The following KAZN variants were observed in gnomAD, a reference collection of about 807,000 sequenced individuals.
The protein encoded by KAZN is kazrin.
A neutral mutation model predicts 87.4 loss-of-function variants in KAZN; 40 were observed. The ratio of observed to expected loss-of-function variants is 0.46; its 90% CI spans 0.36 to 0.60. The LOEUF (loss-of-function observed/expected upper bound fraction) is 0.60. Among genes scored for constraint, KAZN ranks in the 20% least tolerant of loss-of-function variants. The pLI, the probability that KAZN is intolerant of heterozygous loss-of-function variation, is 0.00. For missense variants in KAZN, 898 were observed against 1,073.9 expected (o/e 0.84, Z 2.29); for synonymous variants, 466 against 458.3 (o/e 1.02, Z -0.22).
Position 15,081,724 on chromosome 1 carries a change from G to A in KAZN, c.1223-12456G>A, listed in dbSNP as rs1476875826. ...AGTGACAGGCCGCTGTTCAGGCCAA[G>A]GGAACGGCAGGTGCAGGGATTGGAG... On this transcript the variant is annotated intron_variant, in intron 8 of 14. Transcript: ENST00000376030. This position sits in a 1 kb window ranked among gnomAD's most constrained non-coding sequence, Gnocchi z 4.1. Among the ~76,000 whole-genome samples, 1 of 152,184 alleles carries A rather than the reference G, an allele frequency of 6.6e-6. No individual in the cohort carries two copies. Among genetic ancestry groups the A allele is most frequent in the Non-Finnish European group, 1.5e-5 (1 of 68,032 alleles).
At chr1:14,761,527 G>C (rs1480364502) in intron 1 of KAZN, among the ~76,000 whole-genome samples, 1 of 152,166 alleles carries the variant, frequency 6.6e-6, no homozygotes, top group Non-Finnish European at 1.5e-5. Flanking sequence ...TGATTAAATG[G>C]TCTCTGGGGA....
chr1:14,541,755 T>G (rs1672827161), intron 2 of KAZN, among the ~76,000 whole-genome samples: 1 of 152,226 alleles, frequency 6.6e-6, no homozygotes, highest in African/African-American at 2.4e-5. Context: ...TTCTAATCTC[T>G]CTTCATCCTC....
Position 15,066,031 on chromosome 1 carries a change from A to G in KAZN, c.1222+278A>G. Reference sequence around the variant, plus strand: ...TGTACATACCGCAAACCGTGTGTGAACCTGTCAACTCTCTGTCGTCTTTGG... The same window carrying G: ...TGTACATACCGCAAACCGTGTGTGAGCCTGTCAACTCTCTGTCGTCTTTGG... On this transcript the variant is annotated intron_variant, in intron 8 of 14. Transcript: ENST00000376030. The surrounding 1 kb of genome is among the most constrained non-coding windows in gnomAD (Gnocchi z 4.3). 8.0e-7 allele frequency: 1 copy of G among 1,247,186 alleles called. No homozygotes were observed. The highest frequency in any genetic ancestry group is 1.0e-6 in the Non-Finnish European group (1 of 996,126). 77.3% of individuals were successfully genotyped at this position (1,247,186 alleles called of 1,614,324 possible).
intron 1 of KAZN, among the ~76,000 whole-genome samples, chr1:14,928,065 C>T (rs1659361640): frequency 6.6e-6 from 1 of 152,088 alleles, no homozygotes; most frequent in Non-Finnish European, 1.5e-5. Flanking sequence ...CTGCCCAAAG[C>T]CACACAGCCA....
chr1:14,064,801 C>T (rs985994845), intron 1 of KAZN, among the ~76,000 whole-genome samples: 3 of 152,206 alleles, frequency 2.0e-5, no homozygotes, highest in Non-Finnish European at 2.9e-5. Flanking sequence ...CCCCGCTGCT[C>T]GGTGGTGGAG....
chr1:14,921,182 A>ACACACACATT (rs1350044428), intron 1 of KAZN, among the ~76,000 whole-genome samples: 1 of 151,744 alleles, frequency 6.6e-6, no homozygotes, highest in Non-Finnish European at 1.5e-5. Context: ...ACACACACAC[A>ACACACACATT]CACACATTCA....
intron 2 of KAZN, among the ~76,000 whole-genome samples, chr1:14,345,217 C>T (rs1418326452): frequency 2.0e-5 from 3 of 152,254 alleles, no homozygotes; most frequent in East Asian, 1.9e-4. Flanking sequence ...CACGCCAGGC[C>T]CATCCCCTCT....
intron 1 of KAZN, among the ~76,000 whole-genome samples, chr1:14,812,129 TC>T (rs1452199463): frequency 6.6e-6 from 1 of 151,930 alleles, no homozygotes; most frequent in Non-Finnish European, 1.5e-5. Context: ...GTTCAGCACC[TC>T]CTCAGAATAT....
In KAZN at chr1:14,696,763, C is replaced by G. The variant is rs538867795; in HGVS notation, c.226+97540C>G. ...GAGAGCTTGCATCTCTAACAAGCTC[C>G]CAGCGAGGCTGATCCTGTTGCTCCA... On this transcript the variant is annotated intron_variant, in intron 1 of 14. Coordinates refer to ENST00000376030, the MANE Select transcript of KAZN (RefSeq NM_201628.3). Among the ~76,000 whole-genome samples, 3 of 152,204 alleles carry G rather than the reference C, an allele frequency of 2.0e-5. No individual in the cohort carries two copies. The East Asian group carries it at 5.8e-4, about 29-fold the overall frequency.
chr1:14,722,208 A>G (rs997669708), intron 1 of KAZN, among the ~76,000 whole-genome samples: 1 of 152,162 alleles, frequency 6.6e-6, no homozygotes, highest in Non-Finnish European at 1.5e-5. Flanking sequence ...ATGGACATGG[A>G]GAGATGACCA....
At chr1:14,536,061 A>G (rs1358478563) in intron 2 of KAZN, among the ~76,000 whole-genome samples, 1 of 152,256 alleles carries the variant, frequency 6.6e-6, no homozygotes, top group Non-Finnish European at 1.5e-5. Flanking sequence ...TAGAGAAGGC[A>G]TCAGCTGTAC....
At chr1:14,351,501 G>A (rs1383065250) in intron 2 of KAZN, among the ~76,000 whole-genome samples, 5 of 152,174 alleles carry the variant, frequency 3.3e-5, no homozygotes, top group South Asian at 2.1e-4. Context: ...GGAGGTTGCC[G>A]TGAGCTGAGA....
chr1:14,430,477 G>T (rs779788525), intron 2 of KAZN, among the ~76,000 whole-genome samples: 1 of 152,136 alleles, frequency 6.6e-6, no homozygotes, highest in Non-Finnish European at 1.5e-5. Context: ...CTGCCCCTGG[G>T]TCCTATTGAT....
intron 1 of KAZN, among the ~76,000 whole-genome samples, chr1:14,023,239 T>C (rs1222331704): frequency 6.6e-6 from 1 of 152,158 alleles, no homozygotes. Context: ...GGAGGACTGA[T>C]AGAGCTTGGG....
chr1:14,584,572 G>A (rs112487316), intron 2 of KAZN, among the ~76,000 whole-genome samples: 2,827 of 152,232 alleles, frequency 0.019, 73 homozygotes, highest in African/African-American at 0.06. Flanking sequence ...GTGATGGGCC[G>A]AAGTGTACCT....
chr1:14,691,679 G>T (rs2148785748), intron 1 of KAZN, among the ~76,000 whole-genome samples: 1 of 152,214 alleles, frequency 6.6e-6, no homozygotes, highest in African/African-American at 2.4e-5. Context: ...TAGATACGGG[G>T]TTTTGCCATG....
At position 14,870,870 on chromosome 1, in the gene KAZN, C is replaced by G. The variant is rs571067743; in HGVS notation, c.227-89814C>G. Reference sequence around the variant, plus strand: ...CAACCAAGTGTGCAAGAAATCTCACCAGGCCCAACCCTACCAGAATGATAA... The same window carrying G: ...CAACCAAGTGTGCAAGAAATCTCACGAGGCCCAACCCTACCAGAATGATAA... On this transcript the variant is annotated intron_variant, in intron 1 of 14. Transcript: ENST00000376030. Among the ~76,000 whole-genome samples, 3 of 152,322 alleles carry G rather than the reference C, an allele frequency of 2.0e-5. No homozygotes were observed. The South Asian group carries it at 6.2e-4, about 32-fold the overall frequency.
intron 2 of KAZN, among the ~76,000 whole-genome samples, chr1:14,550,522 T>C (rs897044631): frequency 2.0e-5 from 3 of 152,074 alleles, no homozygotes; most frequent in Non-Finnish European, 4.4e-5. Flanking sequence ...ATCTGTTTCT[T>C]AAATTTTCTA....
intron 2 of KAZN, among the ~76,000 whole-genome samples, chr1:14,284,410 G>A (rs1288311774): frequency 6.6e-6 from 1 of 151,822 alleles, no homozygotes; most frequent in Non-Finnish European, 1.5e-5. Flanking sequence ...GTAACAGCCT[G>A]TGCAAAGTCC....
Sources: allele counts gnomAD v4.1 joint callset (sites outside exome capture counted in the v4.1 genomes callset), GRCh38; gene constraint gnomAD v4.1.1; non-coding constraint Gnocchi (gnomAD v3.1); transcripts MANE v1.5; gene names NCBI Gene and HGNC (gene_info 2026-07-23, HGNC 2026-07-21).